The following THSD7B variants were observed in gnomAD, a reference collection of about 807,000 sequenced individuals.
THSD7B encodes the protein thrombospondin type-1 domain-containing protein 7B.
THSD7B carries 138 observed loss-of-function variants against 213.6 expected under a neutral mutation model. The ratio of observed to expected loss-of-function variants is 0.65; its 90% CI spans 0.56 to 0.74. THSD7B has a LOEUF of 0.74. THSD7B is among the 30% of genes least tolerant of loss of function. THSD7B has a pLI of 0.00. For missense variants in THSD7B, 1,931 were observed against 1,991.5 expected, an observed-to-expected ratio of 0.97 and a Z score of 0.58; for synonymous variants, 742 against 687.0, an observed-to-expected ratio of 1.08 and a Z score of -1.25.
chr2:137,173,563 T>C (rs1680305535), intron 7 of THSD7B, among the ~76,000 whole-genome samples: 2 of 152,202 alleles, frequency 1.3e-5, no homozygotes, highest in South Asian at 2.1e-4. Context: ...ACTGAACTTA[T>C]GTGTGCAGAA....
intron 20 of THSD7B, among the ~76,000 whole-genome samples, chr2:137,628,502 A>G (rs1042693378): frequency 6.6e-6 from 1 of 152,198 alleles, no homozygotes; most frequent in Non-Finnish European, 1.5e-5. Context: ...AGAGTAAACT[A>G]ACAAGTAATA....
intron 14 of THSD7B, among the ~76,000 whole-genome samples, chr2:137,416,407 A>G (rs1686800468): frequency 6.6e-6 from 1 of 152,156 alleles, no homozygotes. Flanking sequence ...ATCAGGTGCT[A>G]CCCATTGCAG....
At chr2:136,977,267 T>C (rs1388448685) in intron 2 of THSD7B, among the ~76,000 whole-genome samples, 2 of 152,226 alleles carry the variant, frequency 1.3e-5, no homozygotes, top group Non-Finnish European at 2.9e-5. Flanking sequence ...TATTTGTACT[T>C]CTGTGGGGTC....
chr2:137,298,969 G>C (rs1283940298), intron 12 of THSD7B, among the ~76,000 whole-genome samples: 1 of 152,136 alleles, frequency 6.6e-6, no homozygotes, highest in Non-Finnish European at 1.5e-5. Context: ...TAGTGGAGCT[G>C]TGAGAAGAAA....
At chr2:137,216,177 T>G (rs1681237647) in intron 7 of THSD7B, among the ~76,000 whole-genome samples, 1 of 152,054 alleles carries the variant, frequency 6.6e-6, no homozygotes, top group Non-Finnish European at 1.5e-5. Flanking sequence ...ACTGAAAGTT[T>G]TAATATTTTT....
At chr2:137,629,826 G>A (rs573523421) in intron 20 of THSD7B, among the ~76,000 whole-genome samples, 3 of 152,226 alleles carry the variant, frequency 2.0e-5, no homozygotes, top group African/African-American at 7.2e-5. Flanking sequence ...ATTTGGGGCA[G>A]GATGGTGCCA....
intron 1 of THSD7B, among the ~76,000 whole-genome samples, chr2:136,853,537 G>A (rs1683131394): frequency 6.6e-6 from 1 of 152,136 alleles, no homozygotes; most frequent in Non-Finnish European, 1.5e-5. Flanking sequence ...CAATACTGGT[G>A]ATGCTAACCT....
At chr2:137,645,158 C>T (rs62168025) in intron 21 of THSD7B, among the ~76,000 whole-genome samples, 10,269 of 152,090 alleles carry the variant, frequency 0.068, 420 homozygotes, top group Middle Eastern at 0.17. Context: ...GTACCTATTT[C>T]GCTGGTTATG....
chr2:137,540,792 G>A (rs1228538308), intron 15 of THSD7B, among the ~76,000 whole-genome samples: 1 of 151,662 alleles, frequency 6.6e-6, no homozygotes, highest in Non-Finnish European at 1.5e-5. Context: ...GTAAAGAATA[G>A]GATAACAAAA....
Position 137,546,440 on chromosome 2 carries a change from TATATTATATATATA to T in THSD7B, c.3139-16780_3139-16767del, listed in dbSNP as rs1680728893. ...TTATATATATTATATATATATTATA[TATATTATATATATA>T]TTATATATAATATATATATATATAA... is the stretch of plus-strand genomic sequence containing the variant. On this transcript the variant is annotated intron_variant, in intron 15 of 27. Coordinates refer to ENST00000409968, the MANE Select transcript of THSD7B (RefSeq NM_001316349.2). Among the ~76,000 whole-genome samples the T allele has an allele frequency of 4.2e-4, 13 of 31,290 alleles. 2 individuals are homozygous for T. In the South Asian group the frequency reaches 0.013, roughly 32 times the overall value. The allele number at this position is 31,290 out of a possible 152,430, so 20.5% of individuals were successfully genotyped here. A position where few individuals can be genotyped will look rare whatever the true frequency, so the allele number is the denominator to read the frequency against.
chr2:137,513,159 C>T (rs1241722833), intron 15 of THSD7B, among the ~76,000 whole-genome samples: 1 of 152,136 alleles, frequency 6.6e-6, no homozygotes, highest in Non-Finnish European at 1.5e-5. Context: ...TTAAACAATA[C>T]TGTTTATTTC....
intron 10 of THSD7B, among the ~76,000 whole-genome samples, chr2:137,249,253 AT>A (rs1300570749): frequency 6.6e-6 from 1 of 151,946 alleles, no homozygotes; most frequent in African/African-American, 2.4e-5. Flanking sequence ...TTTCCTATAT[AT>A]TTTTTTAATT....
intron 2 of THSD7B, among the ~76,000 whole-genome samples, chr2:136,919,800 G>A (rs529678434): frequency 2.0e-5 from 3 of 152,352 alleles, no homozygotes; most frequent in African/African-American, 4.8e-5. Context: ...GTGTGAGCAA[G>A]TGAGTGTGGG....
chr2:137,058,170 G>GTT (rs34702641), intron 3 of THSD7B, among the ~76,000 whole-genome samples: 1,836 of 151,008 alleles, frequency 0.012, 23 homozygotes, highest in Middle Eastern at 0.024. Context: ...TGTGATGATT[G>GTT]TTTTTTTTTC....
intron 1 of THSD7B, among the ~76,000 whole-genome samples, chr2:136,810,964 G>A (rs1682365866): frequency 6.6e-6 from 1 of 152,148 alleles, no homozygotes; most frequent in South Asian, 2.1e-4. Context: ...GAGCTGTGCT[G>A]CATTAACCAG....
intron 7 of THSD7B, among the ~76,000 whole-genome samples, chr2:137,227,003 A>G (rs1237169527): frequency 1.3e-5 from 2 of 152,192 alleles, no homozygotes; most frequent in African/African-American, 4.8e-5. Flanking sequence ...ATATATATAA[A>G]ATATTCAGAA....
At chr2:137,232,721 C>T (rs1390030829) in intron 8 of THSD7B, among the ~76,000 whole-genome samples, 178 bp from the exon 9 acceptor site, 3 of 152,070 alleles carry the variant, frequency 2.0e-5, no homozygotes, top group Non-Finnish European at 4.4e-5. Context: ...CAATATTTTC[C>T]TCAGGTGTTG....
chr2:137,631,261 T>C (rs1438448724), intron 20 of THSD7B, among the ~76,000 whole-genome samples: 2 of 152,194 alleles, frequency 1.3e-5, no homozygotes, highest in Non-Finnish European at 2.9e-5. Flanking sequence ...GAGCTTAATA[T>C]TTGGATTAGT....
At chr2:137,010,819 G>A (rs890644171) in intron 2 of THSD7B, among the ~76,000 whole-genome samples, 5 of 152,104 alleles carry the variant, frequency 3.3e-5, no homozygotes, top group Admixed American at 6.6e-5. Flanking sequence ...ACTGGGCCAG[G>A]CATTCAATAA....
Sources: gnomAD v4.1 joint callset for allele counts (sites outside exome capture counted in the v4.1 genomes callset) on GRCh38, gnomAD v4.1.1 for gene constraint, MANE v1.5 for transcripts, NCBI Gene and HGNC (gene_info 2026-07-23, HGNC 2026-07-21) for gene names.